BRD7: variants seen among roughly 807,000 people sequenced by gnomAD.
The protein encoded by BRD7 is bromodomain containing 7.
A neutral mutation model predicts 82.1 loss-of-function variants in BRD7; 15 were observed. That is an observed-to-expected ratio of 0.18 (90% confidence interval 0.12 to 0.28). The LOEUF is 0.28. BRD7 is among the 10% of genes least tolerant of loss of function. The pLI is 1.00. For missense variants in BRD7, 638 were observed against 779.9 expected (o/e 0.82, Z 2.17); for synonymous variants, 232 against 266.9 (o/e 0.87, Z 1.27).
At chr16:50,351,861 G>A (rs893943970) in intron 4 of BRD7, among the ~76,000 whole-genome samples, 2 of 89,760 alleles carry the variant, frequency 2.2e-5, no homozygotes, top group African/African-American at 1.2e-4. Context: ...TATGTATAAG[G>A]TGTAATAATC....
chr16:50,349,253 G>A (rs1460728760), intron 5 of BRD7: 1 of 211,866 alleles, frequency 4.7e-6, no homozygotes, highest in Non-Finnish European at 9.6e-6. Flanking sequence ...TTGTGGGGTG[G>A]GGGCATGGGG....
chr16:50,343,920 C>A (rs9935454), intron 5 of BRD7, among the ~76,000 whole-genome samples: 33,678 of 152,134 alleles, frequency 0.22, 4,181 homozygotes, highest in African/African-American at 0.31. Flanking sequence ...AGTAGTGGTT[C>A]TGCCAGCATG....
chr16:50,338,452 T>C (rs2037909722), intron 6 of BRD7, among the ~76,000 whole-genome samples: 1 of 152,218 alleles, frequency 6.6e-6, no homozygotes, highest in African/African-American at 2.4e-5. Context: ...CACCAAGGCA[T>C]TTCTTTAAAT....
At chr16:50,342,173 A>G (rs2038091108) in intron 5 of BRD7, among the ~76,000 whole-genome samples, 1 of 152,104 alleles carries the variant, frequency 6.6e-6, no homozygotes, top group Non-Finnish European at 1.5e-5. Flanking sequence ...AAAATCATGC[A>G]GAAAAAAAAC....
intron 1 of BRD7, 107 bp downstream of exon 1, chr16:50,368,619 T>G: frequency 8.5e-7 from 1 of 1,172,188 alleles, no homozygotes; most frequent in Non-Finnish European, 1.2e-6. Flanking sequence ...GGCCTGGGCC[T>G]GCCGTGGGAA....
Position 50,323,626 on chromosome 16 carries a change from T to A in BRD7, c.1404A>T (p.Thr468=), listed in dbSNP as rs756355904. Residue 468 remains threonine, a synonymous_variant, in exon 12 of 17, where the codon ACA becomes ACT. Transcript: ENST00000394688. ...GTAGGGTCCTGGAATGCCCTCCTTTTGTTAAAACATCCAGTAAACTATCTG... is the reference window on the plus strand; with the variant it reads ...GTAGGGTCCTGGAATGCCCTCCTTTAGTTAAAACATCCAGTAAACTATCTG... ...VMADSLLDVL[T]KGGHSRTLQE... is the part of the protein sequence containing the mutation. 1.2e-6 allele frequency: 2 copies of A among 1,613,916 alleles called. No homozygotes were observed. Among genetic ancestry groups the A allele is most frequent in the East Asian group, 4.5e-5 (2 of 44,888 alleles).
At chr16:50,367,414 G>A (rs2039190241) in intron 2 of BRD7, among the ~76,000 whole-genome samples, 1 of 152,252 alleles carries the variant, frequency 6.6e-6, no homozygotes, top group Admixed American at 6.5e-5. Flanking sequence ...TGCAGAGGCA[G>A]GGCCTTGCTA....
intron 2 of BRD7, among the ~76,000 whole-genome samples, chr16:50,367,181 G>T (rs961920333): frequency 1.3e-5 from 2 of 152,114 alleles, no homozygotes; most frequent in African/African-American, 4.8e-5. Context: ...GTAATAAGTC[G>T]TTCAGTGGCA....
chr16:50,340,897 C>T (rs1316582950), intron 5 of BRD7, among the ~76,000 whole-genome samples: 5 of 151,826 alleles, frequency 3.3e-5, no homozygotes, highest in Admixed American at 2.0e-4. Context: ...AAAGAAAAAC[C>T]CAAGAAAAGA....
At chr16:50,346,523 G>A (rs903533578) in intron 5 of BRD7, among the ~76,000 whole-genome samples, 1 of 152,120 alleles carries the variant, frequency 6.6e-6, no homozygotes, top group African/African-American at 2.4e-5. Context: ...TAGACCACTA[G>A]CAAGACTAAG....
At chr16:50,320,128 CAAA>C in intron 15 of BRD7, 98 bp from the exon 16 acceptor site, 1 of 1,517,200 alleles carries the variant, frequency 6.6e-7, no homozygotes, top group South Asian at 1.3e-5. Context: ...GAAAACAAAA[CAAA>C]AAAACTGTCC....
At position 50,317,853 on chromosome 16, in the gene BRD7, AAATAATACCTAAGGT is replaced by A. The variant is rs1288130503; in HGVS notation, c.*1343_*1357del. On this transcript the variant is annotated 3_prime_UTR_variant, in exon 17 of 17. Coordinates refer to ENST00000394688, the MANE Select transcript of BRD7 (RefSeq NM_013263.5). ...ATTTCTCCTGAGTTAACTTTTGTGA[AAATAATACCTAAGGT>A]TTTCTGGCTTATTGAGGAAATTTCC... 5.9e-5 allele frequency: 9 copies of A among 152,296 alleles called. No individual in the cohort carries two copies. Among genetic ancestry groups the A allele is most frequent in the African/African-American group, 2.2e-4 (9 of 41,454 alleles). The allele number at this position is 152,296 out of a possible 1,614,324, so 9.4% of individuals were successfully genotyped here.
chr16:50,319,758 C>G (rs2037001457), intron 16 of BRD7, 129 bp downstream of exon 16: 3 of 1,177,048 alleles, frequency 2.5e-6, no homozygotes, highest in Non-Finnish European at 3.6e-6. Flanking sequence ...ACTTGAGCAT[C>G]TACAGATTTT....
intron 8 of BRD7, among the ~76,000 whole-genome samples, chr16:50,329,375 G>A (rs568614502): frequency 6.6e-6 from 1 of 152,160 alleles, no homozygotes; most frequent in Non-Finnish European, 1.5e-5. Flanking sequence ...TAAAACCAAC[G>A]TGACAGGGAC....
chr16:50,325,641 C>G, intron 11 of BRD7, 107 bp downstream of exon 11: 1 of 1,047,612 alleles, frequency 9.5e-7, no homozygotes, highest in Non-Finnish European at 1.3e-6. Flanking sequence ...AATTACTGAG[C>G]ACATTTTTTT....
In BRD7 at chr16:50,366,556, A is replaced by G. The variant is rs562573266; in HGVS notation, c.258+1534T>C. On this transcript the variant is annotated intron_variant, in intron 2 of 16. Transcript: ENST00000394688. ...CAATCACTTTAATATTGATTTAACC[A>G]ATAATTGTGATGTACCTATACCTTG... Among the ~76,000 whole-genome samples the G allele has an allele frequency of 7.9e-5, 12 of 152,372 alleles. No homozygotes were observed. In the South Asian group the frequency reaches 2.5e-3, roughly 32 times the overall value.
In BRD7 at chr16:50,328,728, C is replaced by T. The variant is rs761173561; in HGVS notation, c.1028G>A (p.Arg343Lys). 6.2e-7 allele frequency: 1 copy of T among 1,613,840 alleles called. No individual in the cohort carries two copies. ...LVNSQCEFER[R>K]KPDGTTTLGL... ...CAACGTCGTTGTTCCATCTGGTTTT[C>T]TTCTTTCAAATTCGCACTGCAATGA... The change falls in exon 9 of 17, where the codon AGA becomes AAA. Residue 343 changes from arginine to lysine, a missense_variant. Transcript: ENST00000394688.
rs1212147828 is a variant in BRD7 at position 50,357,704 on chromosome 16, A to C, written c.259-2782T>G. 3.3e-5 allele frequency among the ~76,000 whole-genome samples: 5 copies of C among 152,206 alleles called. 1 individual carries two copies. The highest frequency in any genetic ancestry group is 7.3e-5 in the Non-Finnish European group (5 of 68,038). On this transcript the variant is annotated intron_variant, in intron 2 of 16. Transcript: ENST00000394688. ...TTTGGTCAACGACCAAACTGGGCCAAGTGCAGTGGCTCGTGCCTGTAATCC... is the reference window on the plus strand; with the variant it reads ...TTTGGTCAACGACCAAACTGGGCCACGTGCAGTGGCTCGTGCCTGTAATCC...
rs190062776 is a variant in BRD7, at chr16:50,368,634, G to A, written c.49+92C>T. ...GGCCTGGGCCTGCCGTGGGAAGGAA[G>A]GGCCCCGGGCCGCCCCGGAGCCACT... On this transcript the variant is annotated intron_variant, in intron 1 of 16. Transcript: ENST00000394688. The A allele has an allele frequency of 1.7e-3, 2,295 of 1,362,036 alleles. 39 individuals carry two copies. In the African/African-American group the frequency reaches 0.031, roughly 18 times the overall value. 84.4% of individuals were successfully genotyped at this position (1,362,036 alleles called of 1,614,324 possible). A position where few individuals can be genotyped will look rare whatever the true frequency, so the allele number is the denominator to read the frequency against.
Sources: gnomAD v4.1 joint callset for allele counts (sites outside exome capture counted in the v4.1 genomes callset) on GRCh38, gnomAD v4.1.1 for gene constraint, MANE v1.5 for transcripts, NCBI Gene and HGNC (gene_info 2026-07-23, HGNC 2026-07-21) for gene names.